The following SH3KBP1 variants were observed in gnomAD, a reference collection of about 807,000 sequenced individuals.
The protein encoded by SH3KBP1 is SH3 domain-containing kinase-binding protein 1.
A neutral mutation model predicts 50.1 loss-of-function variants in SH3KBP1; 8 were observed. The ratio of observed to expected loss-of-function variants is 0.16; its 90% CI spans 0.09 to 0.29. The LOEUF (loss-of-function observed/expected upper bound fraction) is 0.29, where lower values mean the gene tolerates loss of function less well. Ranked by LOEUF, SH3KBP1 falls within the 10% of genes least tolerant of loss-of-function variation. SH3KBP1 has a pLI of 1.00. For synonymous variants in SH3KBP1, 227 were observed against 218.6 expected (o/e 1.04, Z -0.34); for missense variants, 377 against 535.2 (o/e 0.70, Z 2.92).
chrX:19,868,640 G>A (rs757901541), intron 1 of SH3KBP1, among the ~76,000 whole-genome samples: 3 of 102,651 alleles, frequency 2.9e-5, no homozygotes, highest in East Asian at 3.3e-4. Context: ...TAAACCCATC[G>A]TGAGTTGAAA....
intron 13 of SH3KBP1, among the ~76,000 whole-genome samples, chrX:19,565,051 ATTTTT>A (rs59323105): frequency 1.6e-3 from 105 of 66,509 alleles, no homozygotes; most frequent in African/African-American, 7.5e-3. Context: ...TTCAACTCCA[ATTTTT>A]TTTTTTTTTT....
At chrX:19,755,325 C>T (rs753629540) in intron 2 of SH3KBP1, among the ~76,000 whole-genome samples, 2 of 111,866 alleles carry the variant, frequency 1.8e-5, no homozygotes, top group South Asian at 3.7e-4. Context: ...GCCAAGATTG[C>T]GCCATCGGAC....
Position 19,588,307 on chromosome X carries a change from C to T in SH3KBP1, c.1298+336G>A, listed in dbSNP as rs767111149. On this transcript the variant is annotated intron_variant, in intron 12 of 17. Transcript: ENST00000397821. ...ACATCCAGGGGGACAAAGAGGGACACGCCACCTGCATTTCCAGGCTGAAGG... is the reference window on the plus strand; with the variant it reads ...ACATCCAGGGGGACAAAGAGGGACATGCCACCTGCATTTCCAGGCTGAAGG... The T allele has an allele frequency of 2.4e-4, 248 of 1,054,554 alleles. No homozygotes were observed. In the African/African-American group the frequency reaches 4.3e-3, roughly 18 times the overall value. 86.9% of individuals were successfully genotyped at this position (1,054,554 alleles called of 1,213,427 possible).
At chrX:19,862,551 T>C (rs750158884) in intron 1 of SH3KBP1, among the ~76,000 whole-genome samples, 80 of 111,669 alleles carry the variant, frequency 7.2e-4, no homozygotes, top group African/African-American at 2.5e-3. Context: ...GCAGAATTCA[T>C]GTTGCTCTGA....
intron 12 of SH3KBP1, among the ~76,000 whole-genome samples, chrX:19,585,558 C>T (rs967776985): frequency 1.8e-5 from 2 of 111,235 alleles, no homozygotes; most frequent in Non-Finnish European, 3.8e-5. Context: ...GGAGGGCATG[C>T]TAACAGGGGC....
chrX:19,794,810 C>T (rs778762449), intron 2 of SH3KBP1, among the ~76,000 whole-genome samples: 2 of 112,225 alleles, frequency 1.8e-5, no homozygotes, highest in Non-Finnish European at 3.8e-5. Flanking sequence ...GCACACAGTA[C>T]ACACTCATTA....
At chrX:19,800,963 G>A (rs1192950746) in intron 2 of SH3KBP1, among the ~76,000 whole-genome samples, 1 of 111,365 alleles carries the variant, frequency 9.0e-6, no homozygotes, top group Non-Finnish European at 1.9e-5. Flanking sequence ...AGCACTGCTG[G>A]TTGCCTACCC....
chrX:19,571,506 C>A (rs1256328420), intron 12 of SH3KBP1, among the ~76,000 whole-genome samples: 1 of 112,071 alleles, frequency 8.9e-6, no homozygotes, highest in Non-Finnish European at 1.9e-5. Flanking sequence ...GGCCCCAGCA[C>A]CCACTAATTT....
intron 6 of SH3KBP1, among the ~76,000 whole-genome samples, chrX:19,648,217 T>C (rs746053369): frequency 2.8e-5 from 3 of 107,597 alleles, no homozygotes; most frequent in African/African-American, 1.0e-4. Context: ...TGGGGGAGGA[T>C]AGTTGGCCAC....
intron 3 of SH3KBP1, among the ~76,000 whole-genome samples, chrX:19,716,488 G>A (rs1262450854): frequency 8.9e-6 from 1 of 112,148 alleles, no homozygotes; most frequent in East Asian, 2.8e-4. Flanking sequence ...TGACAAGTGG[G>A]TATAGCTATG....
At chrX:19,760,023 C>CTCTCTCTCT (rs1556345973) in intron 2 of SH3KBP1, among the ~76,000 whole-genome samples, 1 of 83,580 alleles carries the variant, frequency 1.2e-5, no homozygotes, top group African/African-American at 5.9e-5. Flanking sequence ...CTCTCTCTCT[C>CTCTCTCTCT]CTCTCTCTCT....
chrX:19,699,166 T>C (rs1022904126), intron 4 of SH3KBP1, among the ~76,000 whole-genome samples: 2 of 111,876 alleles, frequency 1.8e-5, no homozygotes, highest in African/African-American at 3.3e-5. Flanking sequence ...ACAAAACAGA[T>C]AAAGACTCCA....
At chrX:19,827,040 C>T (rs981828759) in intron 2 of SH3KBP1, among the ~76,000 whole-genome samples, 3 of 111,446 alleles carry the variant, frequency 2.7e-5, no homozygotes, top group South Asian at 7.4e-4. Flanking sequence ...GGCCTTTCGC[C>T]TCATGGATCA....
intron 7 of SH3KBP1, among the ~76,000 whole-genome samples, chrX:19,638,359 A>G (rs749441006): frequency 8.5e-5 from 9 of 105,474 alleles, no homozygotes; most frequent in Middle Eastern, 9.5e-3. Context: ...GCAGTGAGCC[A>G]AGATCGCGCC....
At chrX:19,585,514 G>C (rs1158341557) in intron 12 of SH3KBP1, among the ~76,000 whole-genome samples, 2 of 111,666 alleles carry the variant, frequency 1.8e-5, no homozygotes, top group Non-Finnish European at 3.8e-5. Flanking sequence ...TTGGAGGAGA[G>C]AGCAATCATG....
intron 2 of SH3KBP1, among the ~76,000 whole-genome samples, chrX:19,766,670 AT>A (rs1442752833): frequency 1.6e-4 from 17 of 106,176 alleles, no homozygotes; most frequent in Non-Finnish European, 3.3e-4. Flanking sequence ...GGCCTGGCTA[AT>A]TTTTTGTATT....
intron 8 of SH3KBP1, among the ~76,000 whole-genome samples, chrX:19,616,013 A>G (rs1207551761): frequency 1.8e-5 from 2 of 109,870 alleles, no homozygotes; most frequent in Non-Finnish European, 3.8e-5. Flanking sequence ...GTCTTTATAC[A>G]GAAGGATAAA....
chrX:19,848,947 T>A (rs190958427), intron 1 of SH3KBP1, among the ~76,000 whole-genome samples: 57 of 111,047 alleles, frequency 5.1e-4, no homozygotes, highest in African/African-American at 1.0e-3. Context: ...CTTTTTTTTT[T>A]AATTTCTTTT....
chrX:19,872,252 C>CAAAAAAAAAAAAAAA (rs67033348), intron 1 of SH3KBP1, among the ~76,000 whole-genome samples: 8 of 37,937 alleles, frequency 2.1e-4, no homozygotes, highest in Admixed American at 4.0e-4. Flanking sequence ...AACTTCATCT[C>CAAAAAAAAAAAAAAA]AAAAAAAAAA....
Sources: allele counts gnomAD v4.1 joint callset (sites outside exome capture counted in the v4.1 genomes callset), GRCh38; gene constraint gnomAD v4.1.1; transcripts MANE v1.5; gene names NCBI Gene and HGNC (gene_info 2026-07-23, HGNC 2026-07-21).